Variants in CEP112 observed in about 807,000 individuals in gnomAD.
CEP112 encodes centrosomal protein of 112 kDa.
Under a neutral mutation model 153.0 loss-of-function variants are expected in CEP112, and 127 were observed. The observed-to-expected ratio is 0.83, with a 90% CI of 0.72 to 0.96. CEP112 has a LOEUF of 0.96. Ranked by LOEUF, CEP112 falls within the 40% of genes least tolerant of loss-of-function variation. The pLI is 0.00. For synonymous variants in CEP112, 358 were observed against 374.4 expected, an observed-to-expected ratio of 0.96 and a Z score of 0.51; for missense variants, 1,089 against 1,101.2, an observed-to-expected ratio of 0.99 and a Z score of 0.16.
intron 20 of CEP112, among the ~76,000 whole-genome samples, chr17:65,874,109 A>C (rs149701157): frequency 1.4e-4 from 21 of 152,286 alleles, no homozygotes; most frequent in African/African-American, 5.1e-4. Context: ...AGCTTCACAG[A>C]GTTATTTGAA....
chr17:65,879,806 T>A (rs2058991174), intron 20 of CEP112, among the ~76,000 whole-genome samples: 2 of 116,766 alleles, frequency 1.7e-5, no homozygotes, highest in Non-Finnish European at 1.9e-5. Context: ...GGAAAGCAAA[T>A]CTAAAAAAAC....
chr17:66,150,600 CCTT>C (rs1474660085), intron 4 of CEP112, among the ~76,000 whole-genome samples: 1 of 152,146 alleles, frequency 6.6e-6, no homozygotes, highest in Non-Finnish European at 1.5e-5. Context: ...TGTTTAGTAA[CCTT>C]CTGTCATTTG....
At chr17:65,650,729 C>CCAAA (rs2045707619) in intron 24 of CEP112, among the ~76,000 whole-genome samples, 1 of 30,536 alleles carries the variant, frequency 3.3e-5, no homozygotes, top group Non-Finnish European at 4.6e-5. Context: ...AAACTCTCTA[C>CCAAA]TAAAAAAAAA....
intron 6 of CEP112, among the ~76,000 whole-genome samples, chr17:66,114,971 G>A (rs1046564940): frequency 3.9e-5 from 6 of 152,030 alleles, no homozygotes; most frequent in Non-Finnish European, 7.4e-5. Context: ...TTAGGAGGCC[G>A]AGGCAGATGG....
chr17:65,860,659 A>G (rs187582253), intron 20 of CEP112, among the ~76,000 whole-genome samples: 1 of 152,346 alleles, frequency 6.6e-6, no homozygotes, highest in Non-Finnish European at 1.5e-5. Context: ...GTATTCTAAA[A>G]ATTACGCTGA....
At chr17:65,660,185 T>TTCCG (rs904207408) in intron 24 of CEP112, among the ~76,000 whole-genome samples, 18 of 134,406 alleles carry the variant, frequency 1.3e-4, no homozygotes, top group African/African-American at 4.9e-4. Context: ...TTCTCCTTCC[T>TTCCG]TCCTTCCTTC....
intron 12 of CEP112, among the ~76,000 whole-genome samples, chr17:66,049,620 A>G (rs2034851810): frequency 6.6e-6 from 1 of 152,136 alleles, no homozygotes; most frequent in Non-Finnish European, 1.5e-5. Flanking sequence ...CCATGGTGGC[A>G]CACACCTGTA....
In CEP112 at chr17:65,789,159, T is replaced by C. The variant is rs567781720; in HGVS notation, c.2395-38435A>G. On this transcript the variant is annotated intron_variant, in intron 21 of 26. Coordinates refer to ENST00000535342, the MANE Select transcript of CEP112 (RefSeq NM_001199165.4). The stretch of plus-strand genomic sequence containing the variant: ...ATCATTTCTTCTTGAGTCTGTTCCT[T>C]CTCATCTTAGTTAGTGGCACTTACA... 2.6e-5 allele frequency among the ~76,000 whole-genome samples: 4 copies of C among 152,306 alleles called. No individual in the cohort carries two copies. The South Asian group carries it at 8.3e-4, about 32-fold the overall frequency.
At chr17:65,931,262 C>A (rs1195227910) in intron 18 of CEP112, among the ~76,000 whole-genome samples, 1 of 152,204 alleles carries the variant, frequency 6.6e-6, no homozygotes, top group East Asian at 1.9e-4. Flanking sequence ...GACAAGAAAA[C>A]CTTCGTGAAT....
Position 65,902,255 on chromosome 17 carries a change from A to C in CEP112, c.2060T>G (p.Val687Gly), listed in dbSNP as rs775454965. 6 of 1,613,928 alleles carry C rather than the reference A, an allele frequency of 3.7e-6. No individual in the cohort carries two copies. The change falls in exon 20 of 27, where the codon GTC becomes GGC. Residue 687 changes from valine (V) to glycine (G), a missense_variant. Coordinates refer to ENST00000535342, the MANE Select transcript of CEP112 (RefSeq NM_001199165.4). ...TTCAATTTCCCGTTCATGGTCTCGG[A>C]CTAGGCTATCCTTCTCTGCGTTATG... ...QQHNAEKDSL[V>G]RDHEREIENL...
intron 9 of CEP112, 139 bp from the exon 10 acceptor site, chr17:66,067,016 A>AACAC (rs60964018): frequency 7.9e-5 from 21 of 264,972 alleles, no homozygotes; most frequent in East Asian, 2.7e-4. Context: ...TGAAATTATA[A>AACAC]ACACACACAC....
Position 66,049,629 on chromosome 17 carries a change from T to C in CEP112, c.1218+4107A>G, listed in dbSNP as rs575229465. Among the ~76,000 whole-genome samples the C allele has an allele frequency of 2.0e-5, 3 of 152,308 alleles. No individual in the cohort carries two copies. In the East Asian group the frequency reaches 5.8e-4, roughly 29 times the overall value. ...GCTGGGCCATGGTGGCACACACCTG[T>C]AATCTCAGCTACTCTGGAGGTTGAG... On this transcript the variant is annotated intron_variant, in intron 12 of 26. Coordinates refer to ENST00000535342, the MANE Select transcript of CEP112 (RefSeq NM_001199165.4).
intron 20 of CEP112, among the ~76,000 whole-genome samples, chr17:65,880,603 T>C (rs775605224): frequency 6.6e-6 from 1 of 152,192 alleles, no homozygotes; most frequent in African/African-American, 2.4e-5. Context: ...CTAAAGAAGG[T>C]AGCATTGTCT....
intron 24 of CEP112, among the ~76,000 whole-genome samples, chr17:65,656,085 G>A (rs1238205047): frequency 6.6e-6 from 1 of 152,182 alleles, no homozygotes; most frequent in African/African-American, 2.4e-5. Flanking sequence ...TATGTGACGG[G>A]ACCCTAAGGC....
intron 16 of CEP112, among the ~76,000 whole-genome samples, chr17:66,011,951 T>C (rs1263141491): frequency 6.6e-6 from 1 of 152,250 alleles, no homozygotes; most frequent in African/African-American, 2.4e-5. Context: ...TCTTGCTGAA[T>C]TGAGCAGTTT....
intron 4 of CEP112, among the ~76,000 whole-genome samples, chr17:66,135,846 TATAG>T (rs1246669090): frequency 6.6e-6 from 1 of 151,874 alleles, no homozygotes; most frequent in Non-Finnish European, 1.5e-5. Flanking sequence ...TATATATAGA[TATAG>T]ATATAGATAT....
At chr17:66,080,601 T>C (rs1051986319) in intron 8 of CEP112, among the ~76,000 whole-genome samples, 5 of 152,232 alleles carry the variant, frequency 3.3e-5, no homozygotes, top group African/African-American at 1.2e-4. Flanking sequence ...GAAGACAGTG[T>C]GGAGATTCCT....
intron 17 of CEP112, among the ~76,000 whole-genome samples, chr17:66,000,492 T>TAAA (rs74269525): frequency 0.4 from 55,870 of 139,206 alleles, 12,394 homozygotes; most frequent in East Asian, 0.85. Context: ...GTCAGTAGAT[T>TAAA]AAAAAAAAAA....
rs185659571 is a variant in CEP112, at chr17:65,869,159, G to A, written c.2164-17125C>T. Among the ~76,000 whole-genome samples, 602 of 152,278 alleles carry A rather than the reference G, an allele frequency of 4.0e-3. 5 individuals are homozygous for A. Among genetic ancestry groups the A allele is most frequent in the African/African-American group, 0.014 (583 of 41,546 alleles). The stretch of plus-strand genomic sequence containing the variant: ...AACTTTCTTCACTAATATTGTCTGT[G>A]CTTTATCAAGTGGAAAATATTTTTA... On this transcript the variant is annotated intron_variant, in intron 20 of 26. Coordinates refer to ENST00000535342, the MANE Select transcript of CEP112 (RefSeq NM_001199165.4).
Sources: gnomAD v4.1 joint callset for allele counts (sites outside exome capture counted in the v4.1 genomes callset) on GRCh38, gnomAD v4.1.1 for gene constraint, MANE v1.5 for transcripts, NCBI Gene and HGNC (gene_info 2026-07-23, HGNC 2026-07-21) for gene names.